The following RPGRIP1 variants were observed in gnomAD, a reference collection of about 807,000 sequenced individuals.
RPGRIP1 encodes X-linked retinitis pigmentosa GTPase regulator-interacting protein 1.
A neutral mutation model predicts 157.9 loss-of-function variants in RPGRIP1; 128 were observed. That is an observed-to-expected ratio of 0.81 (90% CI 0.70 to 0.94). The LOEUF is 0.94. RPGRIP1 is among the 40% of genes least tolerant of loss of function. RPGRIP1 has a pLI of 0.00. For missense variants in RPGRIP1, 1,486 were observed against 1,545.8 expected (o/e 0.96, Z 0.65); for synonymous variants, 554 against 571.6 (o/e 0.97, Z 0.44).
intron 21 of RPGRIP1, among the ~76,000 whole-genome samples, chr14:21,341,596 G>A (rs1234919735): frequency 6.6e-6 from 1 of 152,070 alleles, no homozygotes; most frequent in Admixed American, 6.6e-5. Flanking sequence ...CATTACTGGT[G>A]TCACGATACT....
chr14:21,340,536 TC>T (rs1884888946), intron 21 of RPGRIP1, among the ~76,000 whole-genome samples: 1 of 152,132 alleles, frequency 6.6e-6, no homozygotes, highest in Non-Finnish European at 1.5e-5. Flanking sequence ...ATGCCTGTAG[TC>T]CCAGCTACTC....
At chr14:21,319,346 G>T (rs1180783328) in intron 11 of RPGRIP1, among the ~76,000 whole-genome samples, 1 of 152,148 alleles carries the variant, frequency 6.6e-6, no homozygotes, top group Non-Finnish European at 1.5e-5. Flanking sequence ...CAGATCACAT[G>T]AGGCCAGGAG....
Position 21,348,257 on chromosome 14 carries a change from C to T in RPGRIP1, c.3703C>T (p.Gln1235Ter). The T allele has an allele frequency of 6.3e-7, 1 of 1,590,698 alleles. No homozygotes were observed. Among genetic ancestry groups the T allele is most frequent in the South Asian group, 1.2e-5 (1 of 86,638 alleles). Residue 1235 changes from glutamine (Q) to a stop codon, truncating the protein, a stop_gained, in exon 24 of 25, where the codon CAG becomes TAG. Coordinates refer to ENST00000400017, the MANE Select transcript of RPGRIP1 (RefSeq NM_020366.4). LOFTEE classifies it high-confidence loss of function. ...EVGYAYLQLWQILESGRDILE... is the reference protein window; with the variant it reads ...EVGYAYLQLW ...GGGATATGCATATCTTCAACTGTGG[C>T]AGATCCTGGAGTCAGGAAGAGATAT...
intron 3 of RPGRIP1, among the ~76,000 whole-genome samples, chr14:21,300,705 C>CT (rs918137131): frequency 0.18 from 13,567 of 73,456 alleles, 3,230 homozygotes; most frequent in East Asian, 0.51. Context: ...AGTGGCTCAA[C>CT]TTTTTTTTTT....
chr14:21,314,208 G>A (rs572076741), intron 10 of RPGRIP1, among the ~76,000 whole-genome samples: 15 of 151,574 alleles, frequency 9.9e-5, no homozygotes, highest in Non-Finnish European at 1.9e-4. Context: ...TCAGCCTCCC[G>A]AGTAGCTGGG....
chr14:21,315,808 T>TA (rs908278449), intron 10 of RPGRIP1, among the ~76,000 whole-genome samples: 4 of 149,906 alleles, frequency 2.7e-5, no homozygotes, highest in Admixed American at 2.0e-4. Context: ...TTATTATTAT[T>TA]TTTTTTTTGA....
chr14:21,328,072 G>A (rs756313935), intron 18 of RPGRIP1, among the ~76,000 whole-genome samples: 1 of 152,170 alleles, frequency 6.6e-6, no homozygotes, highest in Non-Finnish European at 1.5e-5. Context: ...GGGAGGCTGA[G>A]GCAGGAGAAT....
intron 11 of RPGRIP1, chr14:21,318,190 T>C (rs1162370822): frequency 2.1e-6 from 1 of 480,020 alleles, no homozygotes; most frequent in Non-Finnish European, 4.1e-6. Flanking sequence ...CACTGCAACC[T>C]TCACCTCCCA....
In RPGRIP1 at chr14:21,312,454, T is replaced by C. The variant is rs766608701; in HGVS notation, c.1099T>C (p.Leu367=). ...LKEFQERVED[L]EKERKLLNDN... Reference sequence around the variant, plus strand: ...TTAGTTTCAGGAGAGAGTTGAAGATTTGGAAAAAGAACGAAAATTGCTGAA... The same window carrying C: ...TTAGTTTCAGGAGAGAGTTGAAGATCTGGAAAAAGAACGAAAATTGCTGAA... Residue 367 remains leucine, a synonymous_variant, in exon 10 of 25, where the codon TTG becomes CTG. Coordinates refer to ENST00000400017, the MANE Select transcript of RPGRIP1 (RefSeq NM_020366.4). 8 of 1,610,510 alleles carry C rather than the reference T, an allele frequency of 5.0e-6. No individual in the cohort carries two copies. The South Asian group carries it at 8.8e-5, about 18-fold the overall frequency.
chr14:21,280,899 A>T (rs1310238775), intron 1 of RPGRIP1, among the ~76,000 whole-genome samples: 1 of 152,178 alleles, frequency 6.6e-6, no homozygotes, highest in Non-Finnish European at 1.5e-5. Flanking sequence ...GAATGAATAA[A>T]ACTCCTTTTC....
chr14:21,300,705 CTTTTTTTTTTTTT>C (rs918137131), intron 3 of RPGRIP1, among the ~76,000 whole-genome samples: 5 of 73,508 alleles, frequency 6.8e-5, no homozygotes, highest in Middle Eastern at 0.011. Flanking sequence ...AGTGGCTCAA[CTTTTTTTTTTTTT>C]TTTTTTTTTT....
intron 6 of RPGRIP1, among the ~76,000 whole-genome samples, chr14:21,305,082 G>C (rs535970557): frequency 6.6e-6 from 1 of 152,182 alleles, no homozygotes; most frequent in East Asian, 1.9e-4. Flanking sequence ...GATTACAGGC[G>C]TAAGCCACTG....
intron 21 of RPGRIP1, among the ~76,000 whole-genome samples, chr14:21,336,152 T>G (rs1463616676): frequency 1.3e-5 from 2 of 152,208 alleles, no homozygotes; most frequent in Non-Finnish European, 1.5e-5. Context: ...AGCTGGAACA[T>G]GTGCTTGAGA....
intron 11 of RPGRIP1, chr14:21,318,272 A>ATTTTTTT: frequency 3.1e-6 from 1 of 323,314 alleles, no homozygotes; most frequent in Non-Finnish European, 6.0e-6. Flanking sequence ...ACGCCTGGCT[A>ATTTTTTT]TTTTTTTTTT....
intron 17 of RPGRIP1, among the ~76,000 whole-genome samples, 193 bp downstream of exon 17, chr14:21,326,366 T>C (rs1186904808): frequency 6.6e-6 from 1 of 152,216 alleles, no homozygotes. Flanking sequence ...CACTGGCTTC[T>C]TCTGCTTCTT....
At position 21,320,144 on chromosome 14, in the gene RPGRIP1, C is replaced by A; in HGVS notation, c.1434C>A (p.His478Gln). 6.2e-7 allele frequency: 1 copy of A among 1,613,932 alleles called. No individual in the cohort carries two copies. Among genetic ancestry groups the A allele is most frequent in the Non-Finnish European group, 8.5e-7 (1 of 1,179,864 alleles). ...ACAGGCAATCTGAACCAGCCACTCA[C>A]CCAGCTGTATTGCAAGAGAACACTC... ...PPDRQSEPAT[H>Q]PAVLQENTQI... Residue 478 changes from histidine (H) to glutamine (Q), a missense_variant, in exon 12 of 25, where the codon CAC becomes CAA. His to Gln is a conservative substitution (Grantham distance 24). Transcript: ENST00000400017.
chr14:21,324,143 C>T, intron 14 of RPGRIP1: 1 of 197,464 alleles, frequency 5.1e-6, no homozygotes, highest in Non-Finnish European at 1.1e-5. Context: ...ACTGACCTGG[C>T]TAGAGAAGGA....
rs545071093 is a variant in RPGRIP1 at position 21,321,406 on chromosome 14, C to T, written c.1611+4C>T. ...CAAAATCAACGTGTGTTATCAGGTGCAAGGAAAGATGGTACAGGAAGGGGA... is the reference window on the plus strand; with the variant it reads ...CAAAATCAACGTGTGTTATCAGGTGTAAGGAAAGATGGTACAGGAAGGGGA... On this transcript the variant is annotated splice_donor_region_variant and intron_variant, in intron 13 of 24. Transcript: ENST00000400017. The T allele has an allele frequency of 6.2e-7, 1 of 1,607,922 alleles. No homozygotes were observed. The highest frequency in any genetic ancestry group is 2.2e-5 in the East Asian group (1 of 44,804).
intron 21 of RPGRIP1, among the ~76,000 whole-genome samples, chr14:21,335,460 T>C (rs1366751891): frequency 2.0e-5 from 3 of 152,084 alleles, no homozygotes; most frequent in Non-Finnish European, 2.9e-5. Flanking sequence ...TTACTCAACC[T>C]GTAATTATCT....
Sources: allele counts gnomAD v4.1 joint callset (sites outside exome capture counted in the v4.1 genomes callset), GRCh38; gene constraint gnomAD v4.1.1; transcripts MANE v1.5; gene names NCBI Gene and HGNC (gene_info 2026-07-23, HGNC 2026-07-21).